Variants in CLIC6 observed in about 807,000 individuals in gnomAD.
The protein encoded by CLIC6 is chloride intracellular channel protein 6.
CLIC6 carries 39 observed loss-of-function variants against 49.2 expected under a neutral mutation model. The observed-to-expected ratio is 0.79, with a 90% CI of 0.61 to 1.04. The LOEUF (loss-of-function observed/expected upper bound fraction) is 1.04. Among genes scored for constraint, CLIC6 ranks in the 50% least tolerant of loss-of-function variants. The probability of loss-of-function intolerance (pLI) is 0.00; values close to 1 mark genes in which losing one functional copy is unlikely to be tolerated. For synonymous variants in CLIC6, 446 were observed against 433.4 expected (o/e 1.03, Z -0.36); for missense variants, 988 against 993.1 (o/e 0.99, Z 0.07).
intron 5 of CLIC6, among the ~76,000 whole-genome samples, chr21:34,714,316 C>T (rs2056073931): frequency 6.6e-6 from 1 of 152,134 alleles, no homozygotes; most frequent in African/African-American, 2.4e-5. Context: ...GAGGATAATA[C>T]AGAAGAAATG....
chr21:34,706,456 A>C (rs2056015370), intron 1 of CLIC6, among the ~76,000 whole-genome samples: 1 of 152,102 alleles, frequency 6.6e-6, no homozygotes, highest in Non-Finnish European at 1.5e-5. Context: ...CAAATATACA[A>C]ACCATATCAC....
At chr21:34,708,998 G>A (rs549677195) in intron 4 of CLIC6, among the ~76,000 whole-genome samples, 192 bp downstream of exon 4, 155 of 152,274 alleles carry the variant, frequency 1.0e-3, no homozygotes, top group African/African-American at 3.5e-3. Context: ...TTGAGGCTGG[G>A]AACTCAGAAA....
intron 3 of CLIC6, 32 bp from the exon 4 acceptor site, chr21:34,708,668 G>T (rs751829074): frequency 6.3e-6 from 9 of 1,427,938 alleles, no homozygotes; most frequent in Non-Finnish European, 8.9e-6. Context: ...AACATCACTT[G>T]TCTGTGATCC....
chr21:34,686,213 C>G (rs1989875309), intron 1 of CLIC6, among the ~76,000 whole-genome samples: 1 of 152,118 alleles, frequency 6.6e-6, no homozygotes, highest in Non-Finnish European at 1.5e-5. Flanking sequence ...ACCAGCCTGG[C>G]TAACATGGTG....
intron 1 of CLIC6, among the ~76,000 whole-genome samples, chr21:34,693,521 A>G (rs1346450066): frequency 6.6e-6 from 1 of 152,212 alleles, no homozygotes; most frequent in Non-Finnish European, 1.5e-5. Flanking sequence ...AAAAAGGCAA[A>G]ATGTCATGGG....
At chr21:34,671,121 T>TAAAAAAA (rs58413747) in intron 1 of CLIC6, among the ~76,000 whole-genome samples, 2 of 115,912 alleles carry the variant, frequency 1.7e-5, no homozygotes, top group African/African-American at 3.3e-5. Flanking sequence ...ACTAAAAAGT[T>TAAAAAAA]AAAAAAAAAA....
intron 1 of CLIC6, among the ~76,000 whole-genome samples, chr21:34,688,429 G>GCTGGC (rs1234690801): frequency 1.3e-5 from 2 of 152,214 alleles, no homozygotes; most frequent in African/African-American, 4.8e-5. Context: ...CTCCTCTGCG[G>GCTGGC]CTGGCGTTCC....
chr21:34,703,970 T>G (rs752774048), intron 1 of CLIC6, among the ~76,000 whole-genome samples: 2 of 152,184 alleles, frequency 1.3e-5, no homozygotes, highest in Non-Finnish European at 2.9e-5. Flanking sequence ...AACAAGACAC[T>G]CTACATTCTC....
At chr21:34,687,802 T>C (rs1989909159) in intron 1 of CLIC6, among the ~76,000 whole-genome samples, 1 of 152,260 alleles carries the variant, frequency 6.6e-6, no homozygotes, top group Non-Finnish European at 1.5e-5. Flanking sequence ...AGTGTTAAGA[T>C]CTAAAATATA....
intron 1 of CLIC6, among the ~76,000 whole-genome samples, chr21:34,694,811 T>C (rs1020087337): frequency 1.3e-5 from 2 of 152,228 alleles, no homozygotes; most frequent in African/African-American, 2.4e-5. Context: ...TTTTTCTCCA[T>C]GGCATCCATG....
At chr21:34,715,455 GA>G (rs2056080664) in intron 5 of CLIC6, among the ~76,000 whole-genome samples, 2 of 152,164 alleles carry the variant, frequency 1.3e-5, no homozygotes, top group Admixed American at 6.5e-5. Flanking sequence ...GGCACTGCCA[GA>G]AGTGGAGAGA....
intron 1 of CLIC6, among the ~76,000 whole-genome samples, chr21:34,682,598 A>T (rs1317497042): frequency 6.6e-6 from 1 of 151,980 alleles, no homozygotes; most frequent in Non-Finnish European, 1.5e-5. Context: ...GAGTGTGCTG[A>T]CTGTTTGCAC....
At chr21:34,684,535 T>C (rs1272530621) in intron 1 of CLIC6, among the ~76,000 whole-genome samples, 1 of 152,230 alleles carries the variant, frequency 6.6e-6, no homozygotes, top group Non-Finnish European at 1.5e-5. Flanking sequence ...CATTTTTAAT[T>C]ATACATTTTG....
chr21:34,707,255 T>G (rs374859521), intron 1 of CLIC6, 25 bp from the exon 2 acceptor site: 2 of 1,553,118 alleles, frequency 1.3e-6, no homozygotes, highest in Non-Finnish European at 1.8e-6. Context: ...CTGGCTCAGA[T>G]AGAAATCTCC....
chr21:34,696,462 G>A (rs896119670), intron 1 of CLIC6, among the ~76,000 whole-genome samples: 3 of 148,362 alleles, frequency 2.0e-5, no homozygotes, highest in Non-Finnish European at 1.5e-5. Context: ...GACCCTGCTG[G>A]CCCTGGGGTC....
chr21:34,674,891 G>A (rs1005902293), intron 1 of CLIC6, among the ~76,000 whole-genome samples: 1 of 152,138 alleles, frequency 6.6e-6, no homozygotes, highest in Non-Finnish European at 1.5e-5. Flanking sequence ...GGAGTTCAGC[G>A]GTAGTGGAGA....
At chr21:34,695,008 A>C (rs944669580) in intron 1 of CLIC6, among the ~76,000 whole-genome samples, 1 of 152,264 alleles carries the variant, frequency 6.6e-6, no homozygotes, top group Non-Finnish European at 1.5e-5. Flanking sequence ...ATTTTCTATC[A>C]TTGCCATAAC....
chr21:34,674,288 C>G (rs140702742), intron 1 of CLIC6, among the ~76,000 whole-genome samples: 1 of 152,164 alleles, frequency 6.6e-6, no homozygotes, highest in Non-Finnish European at 1.5e-5. Context: ...ACAGAGGTCT[C>G]ACTTTTTTGC....
chr21:34,714,253 C>T (rs1388275026), intron 5 of CLIC6, among the ~76,000 whole-genome samples: 2 of 152,134 alleles, frequency 1.3e-5, no homozygotes, highest in East Asian at 3.8e-4. Flanking sequence ...GGGAATTATA[C>T]GGACAGAATA....
Sources: gnomAD v4.1 joint callset for allele counts (sites outside exome capture counted in the v4.1 genomes callset) on GRCh38, gnomAD v4.1.1 for gene constraint, MANE v1.5 for transcripts, NCBI Gene and HGNC (gene_info 2026-07-23, HGNC 2026-07-21) for gene names.